P3H2: variants seen among roughly 807,000 people sequenced by gnomAD.
The protein encoded by P3H2 is prolyl 3-hydroxylase 2, also known as leprecan-like 1.
Under a neutral mutation model 87.0 loss-of-function variants are expected in P3H2, and 80 were observed. The ratio of observed to expected loss-of-function variants is 0.92; its 90% CI spans 0.77 to 1.11. The LOEUF is 1.11. Among genes scored for constraint, P3H2 ranks in the 50% least tolerant of loss-of-function variants. The probability of loss-of-function intolerance (pLI) is 0.00; values close to 1 mark genes in which losing one functional copy is unlikely to be tolerated. For synonymous variants in P3H2, 367 were observed against 359.3 expected, an observed-to-expected ratio of 1.02 and a Z score of -0.24; for missense variants, 1,001 against 923.9, an observed-to-expected ratio of 1.08 and a Z score of -1.08.
intron 1 of P3H2, among the ~76,000 whole-genome samples, chr3:190,109,420 A>G (rs1711980303): frequency 6.6e-6 from 1 of 152,220 alleles, no homozygotes; most frequent in Admixed American, 6.5e-5. Flanking sequence ...GATGTGACAC[A>G]GAGCTAACCC....
chr3:190,028,389 G>A (rs189522154), intron 1 of P3H2, among the ~76,000 whole-genome samples: 84 of 152,238 alleles, frequency 5.5e-4, no homozygotes, highest in African/African-American at 1.8e-3. Context: ...AGTGAAGGTC[G>A]GGACTGGGAG....
At chr3:190,081,633 G>A (rs1180076757) in intron 1 of P3H2, among the ~76,000 whole-genome samples, 1 of 152,196 alleles carries the variant, frequency 6.6e-6, no homozygotes, top group Non-Finnish European at 1.5e-5. Context: ...TACCGTTCCA[G>A]TCTGGAGGAG....
At position 190,093,326 on chromosome 3, in the gene P3H2, CTTATTGCAATGCAA is replaced by C. The variant is rs529036419; in HGVS notation, c.480+26912_480+26925del. On this transcript the variant is annotated intron_variant, in intron 1 of 14. Transcript: ENST00000319332. ...TTGAGGAAAAGAATGATCATCAATC[CTTATTGCAATGCAA>C]ATGGCCCTACCCTTCTATACACGTG... Among the ~76,000 whole-genome samples, 6 of 152,228 alleles carry C rather than the reference CTTATTGCAATGCAA, an allele frequency of 3.9e-5. No homozygotes were observed. The South Asian group carries it at 1.0e-3, about 26-fold the overall frequency.
intron 1 of P3H2, among the ~76,000 whole-genome samples, chr3:190,032,729 A>G (rs550996395): frequency 6.6e-6 from 1 of 152,228 alleles, no homozygotes; most frequent in African/African-American, 2.4e-5. Context: ...CTGAGAAGGA[A>G]TGTTCAAGTT....
At chr3:189,988,792 C>T in intron 4 of P3H2, 115 bp downstream of exon 4, 3 of 1,310,614 alleles carry the variant, frequency 2.3e-6, no homozygotes, top group Non-Finnish European at 3.3e-6. Context: ...TGCATAAATT[C>T]CTATTGCTTT....
At chr3:190,119,124 AGAGAGGAGAG>A (rs1157266773) in intron 1 of P3H2, among the ~76,000 whole-genome samples, 1 of 93,462 alleles carries the variant, frequency 1.1e-5, no homozygotes, top group African/African-American at 4.1e-5. Flanking sequence ...AAGAAAAGGA[AGAGAGGAGAG>A]GAGAGGGGAG....
intron 14 of P3H2, among the ~76,000 whole-genome samples, chr3:189,959,858 ATATGTGTGTGTGTGTG>A (rs770460668): frequency 1.4e-4 from 19 of 131,184 alleles, no homozygotes; most frequent in South Asian, 1.0e-3. Context: ...ACTGGAGGAG[ATATGTGTGTGTGTGTG>A]TGTGTGTGTG....
chr3:190,066,158 T>TATATATATATATATATATATACACAC (rs1256956930), intron 1 of P3H2, among the ~76,000 whole-genome samples: 2 of 134,596 alleles, frequency 1.5e-5, no homozygotes, highest in Non-Finnish European at 3.1e-5. Context: ...TATATATATA[T>TATATATATATATATATATATACACAC]ACACACACAC....
rs1039198573 is a variant in P3H2, at chr3:189,956,837, T to C, written c.*1075A>G. The C allele has an allele frequency of 6.2e-6, 2 of 323,902 alleles. No homozygotes were observed. Among genetic ancestry groups the C allele is most frequent in the Non-Finnish European group, 1.1e-5 (2 of 179,772 alleles). 20.1% of individuals were successfully genotyped at this position (323,902 alleles called of 1,614,324 possible). ...AAATATAAGCAGATGACGGTTAAAA[T>C]CAATCAGAAATTTATTTTTCTTATG... On this transcript the variant is annotated 3_prime_UTR_variant, in exon 15 of 15. Transcript: ENST00000319332.
chr3:189,985,754 G>C (rs998843170), intron 6 of P3H2, among the ~76,000 whole-genome samples: 1 of 151,640 alleles, frequency 6.6e-6, no homozygotes, highest in Non-Finnish European at 1.5e-5. Context: ...ATTCAATAGA[G>C]AAAAAATGCT....
intron 1 of P3H2, among the ~76,000 whole-genome samples, chr3:190,061,989 T>C (rs900259717): frequency 7.2e-5 from 11 of 152,118 alleles, no homozygotes; most frequent in African/African-American, 1.4e-4. Context: ...ACTTAATACA[T>C]GGTAGTTGGA....
In P3H2 at chr3:189,977,595, A is replaced by G. The variant is rs9290914; in HGVS notation, c.1325-2910T>C. Among the ~76,000 whole-genome samples, 1,005 of 152,246 alleles carry G rather than the reference A, an allele frequency of 6.6e-3. 11 individuals are homozygous for G. Among genetic ancestry groups the G allele is most frequent in the African/African-American group, 0.024 (981 of 41,562 alleles). On this transcript the variant is annotated intron_variant, in intron 8 of 14. Transcript: ENST00000319332. ...TCATTATGTTTTCACAGCAATAAAA[A>G]AAGTAGTCTTTAAAAAATTTATTTG...
At chr3:189,981,443 C>T (rs1400012672) in intron 8 of P3H2, among the ~76,000 whole-genome samples, 1 of 152,078 alleles carries the variant, frequency 6.6e-6, no homozygotes, top group Admixed American at 6.5e-5. Context: ...CATCTGGCCA[C>T]AGAAGTATTC....
chr3:190,061,262 C>A (rs1004343954), intron 1 of P3H2, among the ~76,000 whole-genome samples: 1 of 152,018 alleles, frequency 6.6e-6, no homozygotes, highest in Non-Finnish European at 1.5e-5. Flanking sequence ...ATTTAAATAC[C>A]GTTCTGTGTT....
chr3:189,968,494 T>C (rs1307600942), intron 13 of P3H2, among the ~76,000 whole-genome samples: 1 of 152,220 alleles, frequency 6.6e-6, no homozygotes. Context: ...CAGTCTATCA[T>C]TGATGAGCAT....
At chr3:189,983,427 A>C (rs1190619016) in intron 7 of P3H2, 1 of 362,948 alleles carries the variant, frequency 2.8e-6, no homozygotes, top group Non-Finnish European at 5.1e-6. Context: ...CTCAAGTAGG[A>C]AAAAAATTAT....
intron 1 of P3H2, among the ~76,000 whole-genome samples, chr3:190,082,402 T>C (rs891573385): frequency 1.3e-5 from 2 of 152,168 alleles, no homozygotes; most frequent in Non-Finnish European, 2.9e-5. Flanking sequence ...AAAAGACTAA[T>C]AATAATGCCC....
intron 13 of P3H2, among the ~76,000 whole-genome samples, chr3:189,966,355 G>C (rs1184591357): frequency 6.6e-6 from 1 of 152,048 alleles, no homozygotes; most frequent in African/African-American, 2.4e-5. Context: ...AAGGATGTGG[G>C]GACAAATTAG....
Position 190,074,331 on chromosome 3 carries a change from G to A in P3H2, c.480+45921C>T, listed in dbSNP as rs146547041. Among the ~76,000 whole-genome samples, 52 of 152,106 alleles carry A rather than the reference G, an allele frequency of 3.4e-4. 2 individuals carry two copies. Among genetic ancestry groups the A allele is most frequent in the African/African-American group, 1.1e-3 (47 of 41,478 alleles). ...TCGAGACCTGCCTGGCCAACATGACGAAACCTGGTCTCTATTAAAAATACA... is the reference window on the plus strand; with the variant it reads ...TCGAGACCTGCCTGGCCAACATGACAAAACCTGGTCTCTATTAAAAATACA... On this transcript the variant is annotated intron_variant, in intron 1 of 14. Transcript: ENST00000319332.
Sources: allele counts gnomAD v4.1 joint callset (sites outside exome capture counted in the v4.1 genomes callset), GRCh38; gene constraint gnomAD v4.1.1; transcripts MANE v1.5; gene names NCBI Gene and HGNC (gene_info 2026-07-23, HGNC 2026-07-21).